PPEF1: variants seen among roughly 807,000 people sequenced by gnomAD.
The protein encoded by PPEF1 is protein phosphatase with EF-hand domain 1.
Under a neutral mutation model 53.3 loss-of-function variants are expected in PPEF1, and 12 were observed. The observed-to-expected ratio is 0.23, with a 90% confidence interval of 0.14 to 0.36. The LOEUF (loss-of-function observed/expected upper bound fraction) is 0.36, where lower values mean the gene tolerates loss of function less well. PPEF1 is among the 10% of genes least tolerant of loss of function. The pLI is 1.00. For missense variants in PPEF1, 334 were observed against 490.4 expected, an observed-to-expected ratio of 0.68 and a Z score of 3.01; for synonymous variants, 165 against 176.7, an observed-to-expected ratio of 0.93 and a Z score of 0.52.
At chrX:18,735,326 A>G (rs1385882004) in intron 3 of PPEF1, among the ~76,000 whole-genome samples, 1 of 111,877 alleles carries the variant, frequency 8.9e-6, no homozygotes, top group Non-Finnish European at 1.9e-5. Context: ...GAAGGGATCC[A>G]GTTTCAGCTT....
At chrX:18,733,514 G>T (rs1243174501) in intron 2 of PPEF1, among the ~76,000 whole-genome samples, 1 of 111,926 alleles carries the variant, frequency 8.9e-6, no homozygotes, top group African/African-American at 3.2e-5. Context: ...CCTTGCTTCA[G>T]CCAGTCGTTG....
chrX:18,761,186 G>C (rs2147506740), intron 5 of PPEF1, among the ~76,000 whole-genome samples: 1 of 111,830 alleles, frequency 8.9e-6, no homozygotes, highest in African/African-American at 3.3e-5. Context: ...AGCCTCATTT[G>C]TAAGATGAGA....
intron 6 of PPEF1, among the ~76,000 whole-genome samples, chrX:18,772,365 C>T (rs776354880): frequency 6.3e-5 from 7 of 111,237 alleles, no homozygotes; most frequent in Non-Finnish European, 9.4e-5. Flanking sequence ...CAGCTGTATT[C>T]TCTTATTTGT....
chrX:18,707,574 A>C, upstream of PPEF1: 3 of 393,067 alleles, frequency 7.6e-6, no homozygotes, highest in Non-Finnish European at 1.3e-5. Context: ...GAAGAAGCGT[A>C]AAATGAATCC....
chrX:18,748,206 A>G (rs770895355), intron 3 of PPEF1, among the ~76,000 whole-genome samples: 5 of 112,731 alleles, frequency 4.4e-5, no homozygotes, highest in Non-Finnish European at 9.4e-5. Flanking sequence ...TCCTAAATTC[A>G]GCTTCTTATA....
chrX:18,722,043 G>A (rs1334983753), intron 1 of PPEF1, among the ~76,000 whole-genome samples: 1 of 112,374 alleles, frequency 8.9e-6, no homozygotes, highest in Non-Finnish European at 1.9e-5. Context: ...AGCAGGCTTT[G>A]TGTCTGTCTC....
At chrX:18,743,511 G>A (rs1280195806) in intron 3 of PPEF1, among the ~76,000 whole-genome samples, 1 of 90,524 alleles carries the variant, frequency 1.1e-5, no homozygotes, top group Non-Finnish European at 2.1e-5. Flanking sequence ...GTGCAGTAGC[G>A]TAATCTCGGC....
chrX:18,686,129 T>C (rs1929068528), intron 2 of PPEF1: 2 of 112,412 alleles, frequency 1.8e-5, no homozygotes, highest in South Asian at 7.3e-4. Context: ...TATTTTTTTC[T>C]TCTAACAGTA....
chrX:18,751,152 A>T (rs1165524403), intron 4 of PPEF1, among the ~76,000 whole-genome samples: 1 of 111,531 alleles, frequency 9.0e-6, no homozygotes, highest in East Asian at 2.8e-4. Flanking sequence ...ATGTACTTTG[A>T]TGCATAAAAG....
upstream of PPEF1, among the ~76,000 whole-genome samples, chrX:18,682,890 C>T (rs941822607): frequency 2.7e-5 from 3 of 111,213 alleles, no homozygotes; most frequent in Non-Finnish European, 3.8e-5. Flanking sequence ...CCAGACTGGG[C>T]AATTTATAAA....
chrX:18,747,476 CCTTT>C (rs1315189000), intron 3 of PPEF1, among the ~76,000 whole-genome samples: 1 of 112,031 alleles, frequency 8.9e-6, no homozygotes, highest in East Asian at 2.8e-4. Flanking sequence ...AGCTATGCTG[CCTTT>C]CTTTCTTTCT....
chrX:18,740,711 T>C (rs1324002211), intron 3 of PPEF1, among the ~76,000 whole-genome samples: 2 of 111,585 alleles, frequency 1.8e-5, no homozygotes, highest in African/African-American at 3.3e-5. Context: ...ACCCGGCCTC[T>C]CTTCTCTTTG....
At chrX:18,695,102 G>C (rs370364596) in intron 4 of PPEF1, among the ~76,000 whole-genome samples, 2 of 112,042 alleles carry the variant, frequency 1.8e-5, no homozygotes, top group Non-Finnish European at 3.8e-5. Flanking sequence ...TGTTGACTGG[G>C]CTGCTGTCAT....
At chrX:18,800,039 CTG>C (rs1203678885) in intron 10 of PPEF1, among the ~76,000 whole-genome samples, 2 of 111,662 alleles carry the variant, frequency 1.8e-5, no homozygotes, top group Admixed American at 9.6e-5. Flanking sequence ...TTCTTAAAAA[CTG>C]TTACCCCTTA....
intron 6 of PPEF1, among the ~76,000 whole-genome samples, chrX:18,767,080 T>A (rs2045790265): frequency 9.1e-6 from 1 of 109,886 alleles, no homozygotes; most frequent in Admixed American, 9.6e-5. Context: ...AAAAGAAAAT[T>A]AAAAGACAGA....
intron 1 of PPEF1, among the ~76,000 whole-genome samples, chrX:18,720,970 T>C (rs753502929): frequency 5.4e-5 from 6 of 111,651 alleles, no homozygotes; most frequent in Admixed American, 1.9e-4. Context: ...TATTCTCTGA[T>C]TGCTTGGTCT....
chrX:18,776,015 G>A (rs1402494399), intron 6 of PPEF1, among the ~76,000 whole-genome samples: 1 of 111,628 alleles, frequency 9.0e-6, no homozygotes, highest in Non-Finnish European at 1.9e-5. Flanking sequence ...CATCCCCTCA[G>A]GCCTAGTTCT....
At chrX:18,714,103 G>C (rs757926683) in intron 1 of PPEF1, among the ~76,000 whole-genome samples, 2 of 111,101 alleles carry the variant, frequency 1.8e-5, no homozygotes, top group South Asian at 3.8e-4. Flanking sequence ...GATAGAAAAT[G>C]ATAGATATTA....
chrX:18,744,612 C>T (rs2045281543), intron 3 of PPEF1, among the ~76,000 whole-genome samples: 2 of 111,661 alleles, frequency 1.8e-5, no homozygotes, highest in African/African-American at 6.5e-5. Context: ...CTTTCTGCTT[C>T]TCAGATCAGC....
Sources: allele counts gnomAD v4.1 joint callset (sites outside exome capture counted in the v4.1 genomes callset), GRCh38; gene constraint gnomAD v4.1.1; transcripts MANE v1.5; gene names NCBI Gene and HGNC (gene_info 2026-07-23, HGNC 2026-07-21).